VWC2: variants seen among roughly 807,000 people sequenced by gnomAD.
VWC2 encodes the protein von Willebrand factor C domain containing 2.
VWC2 carries 14 observed loss-of-function variants against 29.8 expected under a neutral mutation model. That is an observed-to-expected ratio of 0.47 (90% CI 0.31 to 0.74). The LOEUF (loss-of-function observed/expected upper bound fraction) is 0.74. VWC2 is among the 30% of genes least tolerant of loss of function. The pLI, the probability that VWC2 is intolerant of heterozygous loss-of-function variation, is 0.05. For missense variants in VWC2, 457 were observed against 459.8 expected (o/e 0.99, Z 0.05); for synonymous variants, 213 against 199.0 (o/e 1.07, Z -0.59).
chr7:49,894,270 C>T (rs1005584029), intron 3 of VWC2, among the ~76,000 whole-genome samples: 1 of 152,248 alleles, frequency 6.6e-6, no homozygotes, highest in Non-Finnish European at 1.5e-5. Flanking sequence ...GACCCTCCCA[C>T]CTCAGCCTCC....
At chr7:49,887,901 G>A (rs1347998779) in intron 3 of VWC2, among the ~76,000 whole-genome samples, 1 of 152,152 alleles carries the variant, frequency 6.6e-6, no homozygotes, top group African/African-American at 2.4e-5. Context: ...TCCTTGCGTT[G>A]TATTTATTCA....
At chr7:49,820,249 A>G (rs1789236391) in intron 3 of VWC2, among the ~76,000 whole-genome samples, 1 of 152,080 alleles carries the variant, frequency 6.6e-6, no homozygotes, top group Admixed American at 6.6e-5. Context: ...AGTGCTGGAA[A>G]CATCTCACAG....
At position 49,775,911 on chromosome 7, in the gene VWC2, G is replaced by GCGGCTTCGTGTACGCGAT; in HGVS notation, c.480_497dup (p.Phe161_Gly166dup). 2 of 1,558,098 alleles carry GCGGCTTCGTGTACGCGAT rather than the reference G, an allele frequency of 1.3e-6. No individual in the cohort carries two copies. Among genetic ancestry groups the GCGGCTTCGTGTACGCGAT allele is most frequent in the Non-Finnish European group, 8.7e-7 (1 of 1,152,316 alleles). ...CGTGGCAAGGGCTGCGTGGACGAGAGCGGCTTCGTGTACGCGATCGGGGAG... is the reference window on the plus strand; with the variant it reads ...CGTGGCAAGGGCTGCGTGGACGAGAGCGGCTTCGTGTACGCGATCGGCTTCGTGTACGCGATCGGGGAG... On this transcript the variant is annotated inframe_insertion, in exon 2 of 4. Transcript: ENST00000340652.
At chr7:49,837,504 C>T (rs1789690909) in intron 3 of VWC2, among the ~76,000 whole-genome samples, 2 of 152,108 alleles carry the variant, frequency 1.3e-5, no homozygotes. Context: ...TGAGTTTTGC[C>T]TTGGAATCCC....
At chr7:49,911,840 T>A (rs1039022377) in intron 3 of VWC2, among the ~76,000 whole-genome samples, 194 bp from the exon 4 acceptor site, 6 of 151,592 alleles carry the variant, frequency 4.0e-5, no homozygotes, top group South Asian at 2.1e-4. Flanking sequence ...GAAGTTGCAG[T>A]GAGCCGAGAT....
At chr7:49,907,969 G>C (rs1337092594) in intron 3 of VWC2, among the ~76,000 whole-genome samples, 1 of 152,136 alleles carries the variant, frequency 6.6e-6, no homozygotes, top group African/African-American at 2.4e-5. Flanking sequence ...CTCCTGGATG[G>C]GGGAAAAGAC....
At chr7:49,888,602 C>T (rs974371438) in intron 3 of VWC2, among the ~76,000 whole-genome samples, 5 of 152,090 alleles carry the variant, frequency 3.3e-5, no homozygotes, top group Non-Finnish European at 5.9e-5. Context: ...ACTCCCTGGC[C>T]CAAGGGTGTT....
intron 2 of VWC2, among the ~76,000 whole-genome samples, chr7:49,801,531 C>T (rs569514652): frequency 6.6e-5 from 10 of 152,350 alleles, no homozygotes; most frequent in East Asian, 3.9e-4. Flanking sequence ...CCGTTAGCCA[C>T]GTACAGCTTT....
At chr7:49,830,585 T>C (rs1332329267) in intron 3 of VWC2, among the ~76,000 whole-genome samples, 1 of 152,178 alleles carries the variant, frequency 6.6e-6, no homozygotes, top group Non-Finnish European at 1.5e-5. Flanking sequence ...TTGTTACATA[T>C]GTATACTTGT....
intron 3 of VWC2, among the ~76,000 whole-genome samples, chr7:49,809,190 A>AG (rs1365673684): frequency 6.6e-6 from 1 of 152,012 alleles, no homozygotes; most frequent in East Asian, 1.9e-4. Context: ...GGAATGAAAG[A>AG]GGGGCATCAT....
intron 3 of VWC2, among the ~76,000 whole-genome samples, chr7:49,881,107 C>T (rs1031544770): frequency 2.6e-5 from 4 of 152,164 alleles, no homozygotes; most frequent in African/African-American, 9.6e-5. Context: ...TCAGTTCTCT[C>T]AGCCTGAGAG....
intron 3 of VWC2, among the ~76,000 whole-genome samples, chr7:49,832,456 A>C (rs1195550877): frequency 6.6e-6 from 1 of 152,090 alleles, no homozygotes; most frequent in Non-Finnish European, 1.5e-5. Context: ...AGCTGATCAG[A>C]GGAGGTTGGC....
chr7:49,886,480 C>G (rs984215626), intron 3 of VWC2, among the ~76,000 whole-genome samples: 1 of 152,078 alleles, frequency 6.6e-6, no homozygotes, highest in Admixed American at 6.5e-5. Flanking sequence ...TTGGTATGCT[C>G]TTTTCCATTT....
rs34882788 is a variant in VWC2 at position 49,919,053 on chromosome 7, T to TAA, written c.*6883_*6884dup. 0.14 allele frequency: 20,698 copies of TAA among 143,244 alleles called. 1,603 individuals are homozygous for TAA. The highest frequency in any genetic ancestry group is 0.21 in the South Asian group (912 of 4,400). 8.9% of individuals were successfully genotyped at this position (143,244 alleles called of 1,614,324 possible). ...CTGGGTAACAGAGCAAGACTCTGTT[T>TAA]AAAAAAAAAAAAAAAATCAGTGATG... is the stretch of plus-strand genomic sequence containing the variant. On this transcript the variant is annotated 3_prime_UTR_variant, in exon 4 of 4. Transcript: ENST00000340652.
intron 3 of VWC2, among the ~76,000 whole-genome samples, chr7:49,887,054 A>G (rs2128729065): frequency 6.6e-6 from 1 of 152,258 alleles, no homozygotes; most frequent in South Asian, 2.1e-4. Context: ...AACCATCGCA[A>G]TTCCTCTGTG....
chr7:49,777,668 G>A (rs2128700800), intron 2 of VWC2, among the ~76,000 whole-genome samples: 1 of 152,288 alleles, frequency 6.6e-6, no homozygotes, highest in South Asian at 2.1e-4. Flanking sequence ...ACCACGCCCA[G>A]GCCATGCAAA....
At chr7:49,783,887 A>G (rs1788234235) in intron 2 of VWC2, among the ~76,000 whole-genome samples, 1 of 151,804 alleles carries the variant, frequency 6.6e-6, no homozygotes, top group African/African-American at 2.4e-5. Flanking sequence ...CTGTCTCTAA[A>G]AAAAATAATA....
intron 3 of VWC2, among the ~76,000 whole-genome samples, chr7:49,877,485 T>TAC (rs1351876914): frequency 0.089 from 1,332 of 14,906 alleles, 300 homozygotes; most frequent in Non-Finnish European, 0.12. Flanking sequence ...AAAAAAAATA[T>TAC]ATATATATAT....
At chr7:49,779,889 AT>A (rs1194068224) in intron 2 of VWC2, among the ~76,000 whole-genome samples, 4 of 152,148 alleles carry the variant, frequency 2.6e-5, no homozygotes, top group Non-Finnish European at 5.9e-5. Flanking sequence ...CTGTGTCCAC[AT>A]CTCCTCTTCT....
Sources: gnomAD v4.1 joint callset for allele counts (sites outside exome capture counted in the v4.1 genomes callset) on GRCh38, gnomAD v4.1.1 for gene constraint, MANE v1.5 for transcripts, NCBI Gene and HGNC (gene_info 2026-07-23, HGNC 2026-07-21) for gene names.